ZSWIM5: variants seen among roughly 807,000 people sequenced by gnomAD.
ZSWIM5 encodes zinc finger SWIM domain-containing protein 5.
ZSWIM5 carries 55 observed loss-of-function variants against 119.6 expected under a neutral mutation model. The observed-to-expected ratio is 0.46, with a 90% CI of 0.37 to 0.58. ZSWIM5 has a LOEUF of 0.58. ZSWIM5 is among the 20% of genes least tolerant of loss of function. The pLI is 0.00. For missense variants in ZSWIM5, 1,193 were observed against 1,512.8 expected (o/e 0.79, Z 3.51); for synonymous variants, 537 against 606.9 (o/e 0.88, Z 1.69).
At chr1:45,096,443 T>TGC (rs1645402389) in intron 1 of ZSWIM5, among the ~76,000 whole-genome samples, 1 of 150,142 alleles carries the variant, frequency 6.7e-6, no homozygotes, top group Admixed American at 6.6e-5. Flanking sequence ...TTTGTGTGTG[T>TGC]GTGTGTGTGT....
chr1:45,030,256 T>C (rs1389255425), intron 11 of ZSWIM5, among the ~76,000 whole-genome samples: 4 of 151,960 alleles, frequency 2.6e-5, no homozygotes, highest in African/African-American at 4.8e-5. Flanking sequence ...GACTGAATGA[T>C]TGATTGATCG....
chr1:45,183,131 C>T (rs1193362424), intron 1 of ZSWIM5, among the ~76,000 whole-genome samples: 4 of 152,044 alleles, frequency 2.6e-5, no homozygotes, highest in African/African-American at 9.7e-5. Context: ...AACTGAACAA[C>T]CTGCTCCTGA....
rs1391217467 is a variant in ZSWIM5 at position 45,206,289 on chromosome 1, C to A, written c.62G>T (p.Arg21Leu). ...LSPSPVSPAK[R>L]QCSWPSPQAH... ...CTGCGGGCTGGGCCACGAACACTGC[C>A]GCTTAGCCGGAGAGACCGGTGACGG... The change falls in exon 1 of 14, where the codon CGG becomes CTG. Residue 21 changes from arginine (R) to leucine (L), a missense_variant. This residue lies in a region of ZSWIM5 where 232 missense variants were observed against 222.9 expected (regional missense o/e 1.04). Coordinates refer to ENST00000359600, the MANE Select transcript of ZSWIM5 (RefSeq NM_020883.2). 6.4e-7 allele frequency: 1 copy of A among 1,571,664 alleles called. No homozygotes were observed. The highest frequency in any genetic ancestry group is 1.9e-5 in the Admixed American group (1 of 53,940).
chr1:45,095,131 C>G (rs981173428), intron 1 of ZSWIM5, among the ~76,000 whole-genome samples: 2 of 146,788 alleles, frequency 1.4e-5, no homozygotes, highest in Non-Finnish European at 3.0e-5. Flanking sequence ...CCATAATTAA[C>G]TTTTTTTTTT....
intron 1 of ZSWIM5, among the ~76,000 whole-genome samples, chr1:45,199,399 A>G (rs1023638800): frequency 1.2e-4 from 18 of 152,168 alleles, no homozygotes; most frequent in African/African-American, 4.3e-4. Flanking sequence ...CCCGGCTTCA[A>G]GCAATTCTCC....
intron 1 of ZSWIM5, among the ~76,000 whole-genome samples, chr1:45,174,078 C>T (rs1053562854): frequency 1.3e-5 from 2 of 151,940 alleles, no homozygotes; most frequent in African/African-American, 4.8e-5. Flanking sequence ...AATTTGAGAC[C>T]AGCCTGGCCA....
At chr1:45,199,659 A>G (rs935543575) in intron 1 of ZSWIM5, among the ~76,000 whole-genome samples, 2 of 152,142 alleles carry the variant, frequency 1.3e-5, no homozygotes, top group Admixed American at 1.3e-4. Context: ...TCACTCCATT[A>G]TAAGGAACAG....
At chr1:45,127,450 T>C (rs1421127407) in intron 1 of ZSWIM5, among the ~76,000 whole-genome samples, 1 of 151,998 alleles carries the variant, frequency 6.6e-6, no homozygotes, top group African/African-American at 2.4e-5. Context: ...CACTTTTTTT[T>C]TTTTTTTAAA....
chr1:45,043,129 T>A, intron 6 of ZSWIM5, 90 bp downstream of exon 6: 2 of 1,298,726 alleles, frequency 1.5e-6, no homozygotes. Flanking sequence ...AAATTGTAGT[T>A]TGAGTTGCAG....
At chr1:45,151,023 A>G (rs1449939935) in intron 1 of ZSWIM5, among the ~76,000 whole-genome samples, 1 of 152,124 alleles carries the variant, frequency 6.6e-6, no homozygotes, top group Non-Finnish European at 1.5e-5. Context: ...AACTAATTTC[A>G]TAATGTCTTC....
chr1:45,125,992 C>T (rs1183087429), intron 1 of ZSWIM5, among the ~76,000 whole-genome samples: 2 of 151,898 alleles, frequency 1.3e-5, no homozygotes, highest in Non-Finnish European at 2.9e-5. Context: ...TGCTTGAACC[C>T]AGGAGCTTGA....
intron 1 of ZSWIM5, among the ~76,000 whole-genome samples, chr1:45,193,570 T>C (rs1646104434): frequency 1.3e-5 from 2 of 152,112 alleles, no homozygotes; most frequent in Non-Finnish European, 2.9e-5. Context: ...AGAAAAAAGA[T>C]ACTGTGTTTG....
chr1:45,116,725 G>C (rs1284631271), intron 1 of ZSWIM5, among the ~76,000 whole-genome samples: 1 of 152,098 alleles, frequency 6.6e-6, no homozygotes, highest in Non-Finnish European at 1.5e-5. Flanking sequence ...CTACCTTCCA[G>C]TTTACTGTCT....
At chr1:45,139,028 C>T (rs1016738778) in intron 1 of ZSWIM5, among the ~76,000 whole-genome samples, 1 of 151,722 alleles carries the variant, frequency 6.6e-6, no homozygotes, top group Admixed American at 6.6e-5. Context: ...ATTACAGGCA[C>T]CTGCCACCAT....
chr1:45,040,967 T>C (rs569246224), intron 6 of ZSWIM5, among the ~76,000 whole-genome samples: 2 of 152,302 alleles, frequency 1.3e-5, no homozygotes, highest in African/African-American at 4.8e-5. Context: ...GAAATGGTCA[T>C]TGCCCTCAAA....
chr1:45,148,303 T>C (rs554737089), intron 1 of ZSWIM5, among the ~76,000 whole-genome samples: 18 of 152,286 alleles, frequency 1.2e-4, no homozygotes, highest in Admixed American at 4.6e-4. Context: ...TCAAAGAGTG[T>C]TCATAAATGA....
intron 1 of ZSWIM5, among the ~76,000 whole-genome samples, chr1:45,196,356 G>A (rs1646125571): frequency 7.2e-6 from 1 of 138,284 alleles, no homozygotes; most frequent in South Asian, 2.4e-4. Context: ...TGATTTTAAT[G>A]TGAAACCAAG....
chr1:45,165,883 G>C (rs1439261888), intron 1 of ZSWIM5, among the ~76,000 whole-genome samples: 3 of 152,088 alleles, frequency 2.0e-5, no homozygotes, highest in African/African-American at 7.2e-5. Flanking sequence ...AATTCTATCA[G>C]AGGTACAATG....
intron 1 of ZSWIM5, among the ~76,000 whole-genome samples, chr1:45,195,899 G>C (rs376258545): frequency 1.3e-5 from 2 of 148,408 alleles, no homozygotes; most frequent in Non-Finnish European, 3.0e-5. Flanking sequence ...GACAGGTCTC[G>C]CTCTGTCACC....
Sources: allele counts gnomAD v4.1 joint callset (sites outside exome capture counted in the v4.1 genomes callset), GRCh38; gene constraint gnomAD v4.1.1; regional missense constraint gnomAD v4.1.1; transcripts MANE v1.5; gene names NCBI Gene and HGNC (gene_info 2026-07-23, HGNC 2026-07-21).